IL1RAPL2: variants seen among roughly 807,000 people sequenced by gnomAD.
IL1RAPL2 encodes interleukin 1 receptor accessory protein like 2.
A neutral mutation model predicts 44.1 loss-of-function variants in IL1RAPL2; 3 were observed. That is an observed-to-expected ratio of 0.07 (90% confidence interval 0.03 to 0.18). The LOEUF (loss-of-function observed/expected upper bound fraction) is 0.18, where lower values mean the gene tolerates loss of function less well. Ranked by LOEUF, IL1RAPL2 falls within the 10% of genes least tolerant of loss-of-function variation. The probability of loss-of-function intolerance (pLI) is 1.00; values close to 1 mark genes in which losing one functional copy is unlikely to be tolerated. For missense variants in IL1RAPL2, 391 were observed against 496.4 expected (o/e 0.79, Z 2.02); for synonymous variants, 181 against 178.8 (o/e 1.01, Z -0.10).
At chrX:104,899,472 A>T (rs1302418486) in intron 2 of IL1RAPL2, among the ~76,000 whole-genome samples, 1 of 112,053 alleles carries the variant, frequency 8.9e-6, no homozygotes, top group African/African-American at 3.2e-5. Context: ...ATATCAATGG[A>T]AATACAAAGA....
At chrX:105,037,333 G>A (rs60830618) in intron 2 of IL1RAPL2, among the ~76,000 whole-genome samples, 1,734 of 111,039 alleles carry the variant, frequency 0.016, 42 homozygotes, top group African/African-American at 0.054. Flanking sequence ...TATTGTTGGG[G>A]GAAAATGGGC....
At chrX:105,368,969 T>C (rs925309052) in intron 5 of IL1RAPL2, among the ~76,000 whole-genome samples, 1 of 108,971 alleles carries the variant, frequency 9.2e-6, no homozygotes, top group East Asian at 2.9e-4. Flanking sequence ...TTGAACCTCT[T>C]GTTGGATTGT....
intron 6 of IL1RAPL2, among the ~76,000 whole-genome samples, chrX:105,600,993 C>T (rs1024205291): frequency 9.0e-6 from 1 of 111,489 alleles, no homozygotes; most frequent in Non-Finnish European, 1.9e-5. Flanking sequence ...CTGTTCTTTT[C>T]GCATTTTCTT....
At chrX:104,685,793 T>C (rs377717209) in intron 2 of IL1RAPL2, among the ~76,000 whole-genome samples, 7 of 109,677 alleles carry the variant, frequency 6.4e-5, no homozygotes, top group Admixed American at 4.9e-4. Context: ...CCAGGCGTGG[T>C]GGTGGGCGCT....
chrX:105,253,100 C>T (rs1292850567), intron 4 of IL1RAPL2, among the ~76,000 whole-genome samples: 2 of 111,638 alleles, frequency 1.8e-5, no homozygotes, highest in Non-Finnish European at 3.8e-5. Flanking sequence ...ACCCAGTCTG[C>T]TCCAATACAT....
At chrX:105,248,252 TAAG>T (rs1311900412) in intron 4 of IL1RAPL2, among the ~76,000 whole-genome samples, 1 of 111,185 alleles carries the variant, frequency 9.0e-6, no homozygotes, top group Non-Finnish European at 1.9e-5. Context: ...GCTGATGCAA[TAAG>T]AAAATGAAAT....
intron 5 of IL1RAPL2, among the ~76,000 whole-genome samples, chrX:105,298,382 G>A (rs1425152719): frequency 9.0e-6 from 1 of 110,571 alleles, no homozygotes; most frequent in Non-Finnish European, 1.9e-5. Flanking sequence ...TTAATGAATT[G>A]AATATGGCAG....
chrX:104,952,475 A>G (rs1395454107), intron 2 of IL1RAPL2, among the ~76,000 whole-genome samples: 1 of 112,208 alleles, frequency 8.9e-6, no homozygotes, highest in Non-Finnish European at 1.9e-5. Context: ...AGAACACAAC[A>G]TGATTTATTT....
At chrX:104,987,999 A>C (rs1335494112) in intron 2 of IL1RAPL2, among the ~76,000 whole-genome samples, 3 of 112,106 alleles carry the variant, frequency 2.7e-5, no homozygotes, top group Non-Finnish European at 5.6e-5. Flanking sequence ...CTTTGCCAAC[A>C]TCTATGAAGC....
chrX:104,595,137 G>A (rs978680081), intron 1 of IL1RAPL2, among the ~76,000 whole-genome samples: 1 of 111,736 alleles, frequency 8.9e-6, no homozygotes, highest in Non-Finnish European at 1.9e-5. Flanking sequence ...CTGCTGCAGT[G>A]GTCCAGGAGA....
intron 1 of IL1RAPL2, among the ~76,000 whole-genome samples, chrX:104,599,039 A>G (rs1162149246): frequency 8.9e-6 from 1 of 112,086 alleles, no homozygotes; most frequent in East Asian, 2.8e-4. Context: ...ACTGAAGTAG[A>G]TGAGTTATTT....
At chrX:104,830,476 T>G (rs1921575536) in intron 2 of IL1RAPL2, among the ~76,000 whole-genome samples, 1 of 111,719 alleles carries the variant, frequency 9.0e-6, no homozygotes, top group Non-Finnish European at 1.9e-5. Flanking sequence ...TTGTTTTCAC[T>G]GGAAAATAAA....
chrX:104,942,363 T>C (rs960297516), intron 2 of IL1RAPL2, among the ~76,000 whole-genome samples: 6 of 111,925 alleles, frequency 5.4e-5, no homozygotes, highest in African/African-American at 1.6e-4. Flanking sequence ...GTTTGTGTCC[T>C]CTTTTATTTC....
At chrX:105,123,602 G>A (rs1359737644) in intron 2 of IL1RAPL2, among the ~76,000 whole-genome samples, 1 of 111,561 alleles carries the variant, frequency 9.0e-6, no homozygotes, top group Non-Finnish European at 1.9e-5. Context: ...TGTAGTTGAT[G>A]AGTTAGAACC....
intron 5 of IL1RAPL2, among the ~76,000 whole-genome samples, chrX:105,308,595 G>A (rs776594010): frequency 7.2e-5 from 8 of 111,798 alleles, no homozygotes; most frequent in African/African-American, 2.6e-4. Context: ...TAATAAAATG[G>A]AATAATATAC....
intron 4 of IL1RAPL2, among the ~76,000 whole-genome samples, chrX:105,253,464 T>C (rs777039798): frequency 1.8e-5 from 2 of 111,847 alleles, no homozygotes; most frequent in East Asian, 5.6e-4. Flanking sequence ...ACATGATGTC[T>C]ACTTTTTCCA....
At chrX:104,627,707 A>C (rs1369795095) in intron 1 of IL1RAPL2, among the ~76,000 whole-genome samples, 1 of 111,127 alleles carries the variant, frequency 9.0e-6, no homozygotes, top group African/African-American at 3.3e-5. Context: ...GGTAAAGACT[A>C]TGATGACCTG....
At chrX:104,663,099 C>T (rs1352076187) in intron 2 of IL1RAPL2, among the ~76,000 whole-genome samples, 1 of 111,811 alleles carries the variant, frequency 8.9e-6, no homozygotes, top group Non-Finnish European at 1.9e-5. Flanking sequence ...CACTCAGTTC[C>T]ACGTAATGAG....
At chrX:104,812,331 C>T (rs922712098) in intron 2 of IL1RAPL2, among the ~76,000 whole-genome samples, 1 of 111,006 alleles carries the variant, frequency 9.0e-6, no homozygotes, top group African/African-American at 3.3e-5. Context: ...ATATTACCAT[C>T]TCATGATTAT....
Sources: allele counts gnomAD v4.1 joint callset (sites outside exome capture counted in the v4.1 genomes callset), GRCh38; gene constraint gnomAD v4.1.1; transcripts MANE v1.5; gene names NCBI Gene and HGNC (gene_info 2026-07-23, HGNC 2026-07-21).